Variants in COL11A1 observed in about 807,000 individuals in gnomAD.
The protein encoded by COL11A1 is collagen alpha-1(XI) chain.
COL11A1 carries 74 observed loss-of-function variants against 265.2 expected under a neutral mutation model. The observed-to-expected ratio is 0.28, with a 90% confidence interval of 0.23 to 0.34. The LOEUF (loss-of-function observed/expected upper bound fraction) is 0.34. Ranked by LOEUF, COL11A1 falls within the 10% of genes least tolerant of loss-of-function variation. The pLI, the probability that COL11A1 is intolerant of heterozygous loss-of-function variation, is 1.00. For missense variants in COL11A1, 2,165 were observed against 2,263.6 expected (o/e 0.96, Z 0.88); for synonymous variants, 816 against 727.6 (o/e 1.12, Z -1.96).
chr1:103,021,282 TA>T (rs1481615160), intron 9 of COL11A1, among the ~76,000 whole-genome samples: 2 of 151,920 alleles, frequency 1.3e-5, no homozygotes, highest in East Asian at 3.9e-4. Flanking sequence ...TTTGGATATG[TA>T]ACAAATATAT....
intron 1 of COL11A1, among the ~76,000 whole-genome samples, chr1:103,105,741 G>T (rs968817127): frequency 6.6e-6 from 1 of 152,056 alleles, no homozygotes; most frequent in East Asian, 1.9e-4. Context: ...AGTGGACACT[G>T]GGTTTATTTT....
rs548720924 is a variant in COL11A1 at position 103,047,169 on chromosome 1, C to T, written c.652-15925G>A. Among the ~76,000 whole-genome samples the T allele has an allele frequency of 3.8e-3, 577 of 152,106 alleles. 2 individuals are homozygous for T. The highest frequency in any genetic ancestry group is 5.2e-3 in the Non-Finnish European group (355 of 67,976). ...AAAGTCATTGGTAGCCCAATGGGGA[C>T]GGCATTGAATCTGTAAATTACCTTG... On this transcript the variant is annotated intron_variant, in intron 4 of 66. Coordinates refer to ENST00000370096, the MANE Select transcript of COL11A1 (RefSeq NM_001854.4).
intron 5 of COL11A1, among the ~76,000 whole-genome samples, chr1:103,030,451 T>C (rs910018831): frequency 6.6e-6 from 1 of 151,964 alleles, no homozygotes; most frequent in Non-Finnish European, 1.5e-5. Flanking sequence ...TAATAGTACA[T>C]TTAAAAGGGA....
rs79753013 is a variant in COL11A1 at position 102,899,672 on chromosome 1, T to A, written c.4087-678A>T. Among the ~76,000 whole-genome samples the A allele has an allele frequency of 7.3e-3, 1,107 of 152,226 alleles. 3 individuals are homozygous for A. The highest frequency in any genetic ancestry group is 0.011 in the Non-Finnish European group (755 of 67,998). ...AGAAACTTAATGATCTCTAAGAAACTGCTTTTCATTTTTTTCCCTCAGACT... is the reference window on the plus strand; with the variant it reads ...AGAAACTTAATGATCTCTAAGAAACAGCTTTTCATTTTTTTCCCTCAGACT... On this transcript the variant is annotated intron_variant, in intron 54 of 66. Coordinates refer to ENST00000370096, the MANE Select transcript of COL11A1 (RefSeq NM_001854.4).
intron 4 of COL11A1, among the ~76,000 whole-genome samples, chr1:103,051,518 T>C (rs1443459760): frequency 6.6e-6 from 1 of 152,200 alleles, no homozygotes; most frequent in East Asian, 1.9e-4. Flanking sequence ...TTTCTTTGAC[T>C]AGGAAAGGGA....
chr1:102,991,906 T>C (rs12739173), intron 28 of COL11A1, among the ~76,000 whole-genome samples: 1 of 151,590 alleles, frequency 6.6e-6, no homozygotes, highest in African/African-American at 2.4e-5. Context: ...CTGTACTGAA[T>C]GTGATTGGGC....
intron 41 of COL11A1, among the ~76,000 whole-genome samples, chr1:102,959,339 A>T (rs572366557): frequency 6.6e-6 from 1 of 152,250 alleles, no homozygotes; most frequent in East Asian, 1.9e-4. Flanking sequence ...CCATCTCCCA[A>T]ATTTTGTCCC....
intron 54 of COL11A1, among the ~76,000 whole-genome samples, chr1:102,910,682 T>A (rs1402827782): frequency 6.6e-6 from 1 of 152,084 alleles, no homozygotes; most frequent in East Asian, 1.9e-4. Flanking sequence ...TTTTTTTTTT[T>A]ATTGTGTTAC....
chr1:102,975,026 C>T (rs938218865), intron 35 of COL11A1, 143 bp from the exon 36 acceptor site: 3 of 683,470 alleles, frequency 4.4e-6, no homozygotes, highest in South Asian at 1.7e-5. Context: ...TAATACAACA[C>T]GATAGTAAGT....
chr1:103,080,855 C>T (rs970493392), intron 2 of COL11A1, among the ~76,000 whole-genome samples: 1 of 151,818 alleles, frequency 6.6e-6, no homozygotes, highest in African/African-American at 2.4e-5. Flanking sequence ...ACCTGCACTC[C>T]TATGTTATAT....
intron 53 of COL11A1, 48 bp downstream of exon 53, chr1:102,913,589 C>A (rs1396416682): frequency 1.3e-6 from 2 of 1,506,816 alleles, no homozygotes; most frequent in Non-Finnish European, 1.8e-6. Flanking sequence ...CATTAAAATG[C>A]CTTGAGACTA....
chr1:102,989,646 T>A, intron 28 of COL11A1, 75 bp from the exon 29 acceptor site: 1 of 1,052,702 alleles, frequency 9.5e-7, no homozygotes, highest in Admixed American at 1.9e-5. Flanking sequence ...GCTATAAAAA[T>A]TTATGTGCTG....
Position 102,976,006 on chromosome 1 carries a change from T to A in COL11A1, c.2755-1123A>T, listed in dbSNP as rs534953822. Among the ~76,000 whole-genome samples the A allele has an allele frequency of 1.3e-3, 196 of 152,196 alleles. 3 individuals are homozygous for A. In the Middle Eastern group the frequency reaches 0.021, roughly 16 times the overall value. On this transcript the variant is annotated intron_variant, in intron 35 of 66. Coordinates refer to ENST00000370096, the MANE Select transcript of COL11A1 (RefSeq NM_001854.4). ...AACTACCAAAACTACTGGGCAAATC[T>A]TAGGAACTTACAAAATTTTAAACTC...
rs1424601875 is a variant in COL11A1, at chr1:102,959,612, C to G, written c.3168+2254G>C. Among the ~76,000 whole-genome samples the G allele has an allele frequency of 3.9e-5, 6 of 152,210 alleles. No homozygotes were observed. In the South Asian group the frequency reaches 8.3e-4, roughly 21 times the overall value. The stretch of plus-strand genomic sequence containing the variant: ...GTATTTCTTTTCAAAATTGTTTATC[C>G]TATTTTATCTCAAAGAATATCTACT... On this transcript the variant is annotated intron_variant, in intron 41 of 66. Coordinates refer to ENST00000370096, the MANE Select transcript of COL11A1 (RefSeq NM_001854.4).
In COL11A1 at chr1:102,987,764, C is replaced by T. The variant is rs1663723162; in HGVS notation, c.2395-24G>A. 8.4e-6 allele frequency: 13 copies of T among 1,547,776 alleles called. No homozygotes were observed. In the East Asian group the frequency reaches 2.7e-4, roughly 32 times the overall value. The stretch of plus-strand genomic sequence containing the variant: ...CCCTGAGGCACAGAATAACAACATT[C>T]TTATGAGTGAAACGTCCTTTACAAA... On this transcript the variant is annotated intron_variant, in intron 29 of 66. Coordinates refer to ENST00000370096, the MANE Select transcript of COL11A1 (RefSeq NM_001854.4).
intron 1 of COL11A1, among the ~76,000 whole-genome samples, chr1:103,085,251 GTTCA>G (rs1672756866): frequency 6.6e-6 from 1 of 152,164 alleles, no homozygotes. Flanking sequence ...TCATTCATTT[GTTCA>G]TTCATTTCCA....
intron 46 of COL11A1, among the ~76,000 whole-genome samples, chr1:102,929,485 G>T (rs1382582790): frequency 6.6e-6 from 1 of 151,982 alleles, no homozygotes; most frequent in Non-Finnish European, 1.5e-5. Flanking sequence ...TGCTGTTTTG[G>T]TTACTGTAGC....
intron 49 of COL11A1, among the ~76,000 whole-genome samples, chr1:102,918,559 T>C (rs114399549): frequency 0.033 from 4,911 of 148,224 alleles, 109 homozygotes; most frequent in Middle Eastern, 0.091. Context: ...ATTATACTAT[T>C]CTTGATTAAA....
chr1:103,102,975 A>G (rs1039825105), intron 1 of COL11A1, among the ~76,000 whole-genome samples: 4 of 152,060 alleles, frequency 2.6e-5, no homozygotes, highest in Non-Finnish European at 5.9e-5. Flanking sequence ...AATTTGTAAT[A>G]GTTGTTGACA....
Sources: allele counts gnomAD v4.1 joint callset (sites outside exome capture counted in the v4.1 genomes callset), GRCh38; gene constraint gnomAD v4.1.1; transcripts MANE v1.5; gene names NCBI Gene and HGNC (gene_info 2026-07-23, HGNC 2026-07-21).